The following UEVLD variants were observed in gnomAD, a reference collection of about 807,000 sequenced individuals.
The protein encoded by UEVLD is ubiquitin-conjugating enzyme E2 variant 3.
Under a neutral mutation model 58.6 loss-of-function variants are expected in UEVLD, and 47 were observed. The observed-to-expected ratio is 0.80, with a 90% confidence interval of 0.63 to 1.02. UEVLD has a LOEUF of 1.02. Among genes scored for constraint, UEVLD ranks in the 50% least tolerant of loss-of-function variants. UEVLD has a pLI of 0.00. For synonymous variants in UEVLD, 197 were observed against 195.3 expected, an observed-to-expected ratio of 1.01 and a Z score of -0.07; for missense variants, 510 against 550.6, an observed-to-expected ratio of 0.93 and a Z score of 0.74.
intron 8 of UEVLD, among the ~76,000 whole-genome samples, chr11:18,546,408 T>G (rs1851302497): frequency 6.6e-6 from 1 of 152,228 alleles, no homozygotes. Context: ...GTTGCCAGAA[T>G]ATTACACTGT....
chr11:18,580,581 T>C lies in UEVLD; in HGVS notation c.43-1773A>G, dbSNP rs551671762. 2.5e-4 allele frequency among the ~76,000 whole-genome samples: 38 copies of C among 150,248 alleles called. 1 individual carries two copies. The highest frequency in any genetic ancestry group is 2.3e-3 in the Admixed American group (35 of 15,018). ...ACATGGATGAACCTTAAAAACACTATGCTAAGTGAAAGAAACTAGACACAG... is the reference window on the plus strand; with the variant it reads ...ACATGGATGAACCTTAAAAACACTACGCTAAGTGAAAGAAACTAGACACAG... On this transcript the variant is annotated intron_variant, in intron 1 of 11. Transcript: ENST00000396197.
rs879144074 is a variant in UEVLD, at chr11:18,575,358, A to G, written c.182T>C (p.Val61Ala). The change falls in exon 3 of 12, where the codon GTG (valine) becomes GCG (alanine). Residue 61 changes from valine to alanine, a missense_variant. Val to Ala is a moderately conservative substitution (Grantham distance 64). Transcript: ENST00000396197. The stretch of plus-strand genomic sequence containing the variant: ...ACTTCCACACTTACCCTGATACATC[A>G]CAGGAATTGTGCCAGTAAAATTCAG... Reference protein sequence around the residue: ...DLLNFTGTIPVMYQGNTYNIP... With the variant: ...DLLNFTGTIPAMYQGNTYNIP... 1 of 1,608,530 alleles carries G rather than the reference A, an allele frequency of 6.2e-7. No individual in the cohort carries two copies. Among genetic ancestry groups the G allele is most frequent in the South Asian group, 1.1e-5 (1 of 89,966 alleles).
chr11:18,545,650 G>A (rs1851275934), intron 8 of UEVLD, among the ~76,000 whole-genome samples: 1 of 150,830 alleles, frequency 6.6e-6, no homozygotes, highest in South Asian at 2.1e-4. Context: ...TCACCATGTT[G>A]GCCAGGCTGG....
intron 3 of UEVLD, 62 bp downstream of exon 3, chr11:18,575,285 T>G: frequency 6.5e-7 from 1 of 1,530,136 alleles, no homozygotes; most frequent in Non-Finnish European, 8.9e-7. Context: ...TAAACAAATT[T>G]AAGTTATTAA....
chr11:18,568,414 T>C lies in UEVLD; in HGVS notation c.357+1800A>G, dbSNP rs534854516. 2.3e-4 allele frequency among the ~76,000 whole-genome samples: 35 copies of C among 152,288 alleles called. No individual in the cohort carries two copies. In the South Asian group the frequency reaches 5.6e-3, roughly 24 times the overall value. On this transcript the variant is annotated intron_variant, in intron 4 of 11. Transcript: ENST00000396197. ...TTTTGTTTAAAGAAGGGTGTAACAA[T>C]GGATGGAGGAGAGAAACAGACAATT...
chr11:18,544,313 T>C (rs1364735353), intron 9 of UEVLD, among the ~76,000 whole-genome samples: 3 of 152,136 alleles, frequency 2.0e-5, no homozygotes, highest in Admixed American at 2.0e-4. Flanking sequence ...AATAATAATG[T>C]ACTTCTTTTT....
At chr11:18,566,571 A>G in intron 4 of UEVLD, 89 bp from the exon 5 acceptor site, 1 of 1,408,318 alleles carries the variant, frequency 7.1e-7, no homozygotes, top group Non-Finnish European at 9.6e-7. Flanking sequence ...ACTTGAGCCC[A>G]GGAGTTTCAG....
intron 5 of UEVLD, 147 bp from the exon 6 acceptor site, chr11:18,565,157 G>A: frequency 1.8e-6 from 1 of 546,272 alleles, no homozygotes. Context: ...CTGAACAAAT[G>A]AATGCAAGGA....
chr11:18,565,994 A>G lies in UEVLD; in HGVS notation c.493+353T>C, dbSNP rs112387913. On this transcript the variant is annotated intron_variant, in intron 5 of 11. Coordinates refer to ENST00000396197, the MANE Select transcript of UEVLD (RefSeq NM_001040697.4). ...GCTCACTGCAACCTCTGCCTCCCGG[A>G]TTCAAGCAATTTTCCCACCTCAGCC... Among the ~76,000 whole-genome samples the G allele has an allele frequency of 7.5e-3, 1,086 of 144,960 alleles. 13 individuals are homozygous for G. The highest frequency in any genetic ancestry group is 0.027 in the African/African-American group (1,036 of 38,928).
At chr11:18,583,321 A>C (rs1471275617) in intron 1 of UEVLD, among the ~76,000 whole-genome samples, 3 of 151,282 alleles carry the variant, frequency 2.0e-5, no homozygotes, top group African/African-American at 7.3e-5. Flanking sequence ...CCCGGGTTCA[A>C]GCAATTCTCC....
chr11:18,544,401 C>A (rs994397587), intron 9 of UEVLD, among the ~76,000 whole-genome samples: 3 of 152,164 alleles, frequency 2.0e-5, no homozygotes, highest in Non-Finnish European at 1.5e-5. Flanking sequence ...CTTGACCTCC[C>A]GGGCTCAAGT....
In UEVLD at chr11:18,550,387, T is replaced by C. The variant is rs1488175954; in HGVS notation, c.716-3337A>G. Among the ~76,000 whole-genome samples the C allele has an allele frequency of 3.9e-5, 6 of 152,120 alleles. No individual in the cohort carries two copies. The East Asian group carries it at 1.2e-3, about 29-fold the overall frequency. On this transcript the variant is annotated intron_variant, in intron 7 of 11. Coordinates refer to ENST00000396197, the MANE Select transcript of UEVLD (RefSeq NM_001040697.4). The stretch of plus-strand genomic sequence containing the variant: ...CTACCTAATTTTCCTGATACTGGCT[T>C]TTGCTCAAATTCTCACTGCACTCAC...
At chr11:18,547,085 T>C (rs1254929413) in intron 7 of UEVLD, 35 bp from the exon 8 acceptor site, 32 of 1,586,990 alleles carry the variant, frequency 2.0e-5, no homozygotes, top group African/African-American at 2.7e-5. Flanking sequence ...GAGCTGAAGA[T>C]ACAGGCTTTA....
intron 6 of UEVLD, among the ~76,000 whole-genome samples, chr11:18,564,279 G>A (rs762675469): frequency 2.6e-4 from 40 of 151,942 alleles, no homozygotes; most frequent in Non-Finnish European, 4.4e-4. Flanking sequence ...AATATATAGA[G>A]GTACAGCTAT....
At chr11:18,578,194 T>G (rs368819602) in intron 2 of UEVLD, among the ~76,000 whole-genome samples, 3 of 152,252 alleles carry the variant, frequency 2.0e-5, no homozygotes, top group East Asian at 3.9e-4. Flanking sequence ...TCTAATCACA[T>G]TGGTCCTTAA....
At chr11:18,579,349 T>C (rs147816061) in intron 1 of UEVLD, 15 of 598,588 alleles carry the variant, frequency 2.5e-5, no homozygotes, top group Non-Finnish European at 2.9e-5. Context: ...CTGAGTCATA[T>C]AGCAAGTTAA....
chr11:18,543,658 A>C (rs1292221934), intron 9 of UEVLD, among the ~76,000 whole-genome samples: 1 of 152,194 alleles, frequency 6.6e-6, no homozygotes, highest in Non-Finnish European at 1.5e-5. Flanking sequence ...TATTATCTTT[A>C]TTTTACTCAT....
At chr11:18,565,907 T>C (rs190464257) in intron 5 of UEVLD, among the ~76,000 whole-genome samples, 137 of 149,936 alleles carry the variant, frequency 9.1e-4, no homozygotes, top group Admixed American at 1.7e-3. Context: ...TTTCTTTTTT[T>C]TTTTTTTTTG....
At chr11:18,564,862 G>C (rs1474654952) in intron 6 of UEVLD, 30 bp downstream of exon 6, 2 of 1,499,980 alleles carry the variant, frequency 1.3e-6, no homozygotes, top group African/African-American at 2.8e-5. Flanking sequence ...CACTATGATA[G>C]ATGTATTTAT....
Sources: gnomAD v4.1 joint callset for allele counts (sites outside exome capture counted in the v4.1 genomes callset) on GRCh38, gnomAD v4.1.1 for gene constraint, MANE v1.5 for transcripts, NCBI Gene and HGNC (gene_info 2026-07-23, HGNC 2026-07-21) for gene names.